EYS: variants seen among roughly 807,000 people sequenced by gnomAD.
EYS encodes the protein EGF-like photoreceptor maintenance factor, also known as protein eyes shut homolog.
Under a neutral mutation model 282.1 loss-of-function variants are expected in EYS, and 250 were observed. That is an observed-to-expected ratio of 0.89 (90% CI 0.80 to 0.98). The LOEUF (loss-of-function observed/expected upper bound fraction) is 0.98, where lower values mean the gene tolerates loss of function less well. Ranked by LOEUF, EYS falls within the 50% of genes least tolerant of loss-of-function variation. EYS has a pLI of 0.00. For missense variants in EYS, 4,016 were observed against 3,709.0 expected (o/e 1.08, Z -2.15); for synonymous variants, 1,355 against 1,282.9 (o/e 1.06, Z -1.20).
At chr6:64,569,955 C>A (rs766361133) in intron 26 of EYS, among the ~76,000 whole-genome samples, 3 of 152,104 alleles carry the variant, frequency 2.0e-5, no homozygotes, top group African/African-American at 7.2e-5. Context: ...CACAAAGATA[C>A]TCCTTGAGAA....
At chr6:64,217,879 C>T (rs1489812413) in intron 31 of EYS, among the ~76,000 whole-genome samples, 2 of 152,146 alleles carry the variant, frequency 1.3e-5, no homozygotes, top group African/African-American at 4.8e-5. Context: ...ACCCCCACCA[C>T]AAACCAAGTG....
chr6:65,438,128 T>C (rs1768153194), intron 5 of EYS, among the ~76,000 whole-genome samples: 1 of 151,722 alleles, frequency 6.6e-6, no homozygotes, highest in Admixed American at 6.6e-5. Flanking sequence ...GTCTTTGCAA[T>C]AGTTTGCTGA....
chr6:63,885,873 T>G (rs1223960050), intron 35 of EYS, among the ~76,000 whole-genome samples: 1 of 152,224 alleles, frequency 6.6e-6, no homozygotes, highest in Non-Finnish European at 1.5e-5. Flanking sequence ...TTGGCTAGAC[T>G]TGTACTCTTT....
intron 29 of EYS, among the ~76,000 whole-genome samples, chr6:64,340,346 T>C (rs1376318339): frequency 1.3e-5 from 2 of 151,456 alleles, no homozygotes; most frequent in Non-Finnish European, 3.0e-5. Context: ...GTAAACAAAA[T>C]AGCATGACAC....
intron 31 of EYS, among the ~76,000 whole-genome samples, chr6:64,194,903 C>T (rs1209577133): frequency 1.3e-5 from 2 of 152,074 alleles, no homozygotes; most frequent in Non-Finnish European, 2.9e-5. Context: ...GGAAGTTGTA[C>T]ACTGGATTAC....
intron 5 of EYS, among the ~76,000 whole-genome samples, chr6:65,485,219 T>C (rs1427225756): frequency 6.6e-6 from 1 of 152,228 alleles, no homozygotes; most frequent in Non-Finnish European, 1.5e-5. Flanking sequence ...GTGACATTAC[T>C]GACTGTATAC....
chr6:64,687,505 T>C (rs1469636526), intron 22 of EYS, among the ~76,000 whole-genome samples: 1 of 152,168 alleles, frequency 6.6e-6, no homozygotes, highest in Admixed American at 6.5e-5. Context: ...TGGTTCTATT[T>C]ATATGATGGA....
chr6:65,018,293 CTGTAAGAGAGAA>C (rs566921445), intron 13 of EYS, among the ~76,000 whole-genome samples: 419 of 152,248 alleles, frequency 2.8e-3, no homozygotes, highest in Non-Finnish European at 5.2e-3. Flanking sequence ...CTTCTGAGGG[CTGTAAGAGAGAA>C]TGTGTTCCAT....
At chr6:63,977,898 C>T (rs1379566104) in intron 35 of EYS, among the ~76,000 whole-genome samples, 1 of 151,970 alleles carries the variant, frequency 6.6e-6, no homozygotes, top group Non-Finnish European at 1.5e-5. Context: ...ACATTCCTTC[C>T]CCACTCTAAA....
chr6:65,466,901 G>A (rs1397955531), intron 5 of EYS, among the ~76,000 whole-genome samples: 2 of 152,170 alleles, frequency 1.3e-5, no homozygotes, highest in Non-Finnish European at 2.9e-5. Flanking sequence ...GAGCTCTTAA[G>A]GGCAGTAGCA....
chr6:65,207,234 G>A (rs900763335), intron 12 of EYS, among the ~76,000 whole-genome samples: 4 of 151,158 alleles, frequency 2.6e-5, no homozygotes, highest in Non-Finnish European at 4.4e-5. Flanking sequence ...AATGACATTC[G>A]AGCTGAGAAC....
At chr6:65,100,662 G>C (rs146084668) in intron 12 of EYS, among the ~76,000 whole-genome samples, 67 of 150,792 alleles carry the variant, frequency 4.4e-4, no homozygotes, top group Admixed American at 1.3e-3. Context: ...AAAGGAACCT[G>C]TTGTCAAATG....
chr6:65,563,479 A>G (rs889114447), intron 2 of EYS, among the ~76,000 whole-genome samples: 3 of 152,060 alleles, frequency 2.0e-5, no homozygotes, highest in Non-Finnish European at 4.4e-5. Context: ...GTTATAGAAA[A>G]CCATTCAATT....
intron 35 of EYS, among the ~76,000 whole-genome samples, chr6:63,895,379 A>C (rs1773511304): frequency 1.3e-5 from 2 of 152,226 alleles, no homozygotes; most frequent in Non-Finnish European, 2.9e-5. Flanking sequence ...GAGACATAAA[A>C]ATCATTTAAC....
intron 26 of EYS, among the ~76,000 whole-genome samples, chr6:64,448,014 A>C (rs962921483): frequency 3.3e-5 from 5 of 152,240 alleles, no homozygotes; most frequent in African/African-American, 1.2e-4. Context: ...TGGGTGCAGG[A>C]CAGTGGGTGC....
rs149377794 is a variant in EYS, at chr6:63,969,192, C to T, written c.7055+15191G>A. Among the ~76,000 whole-genome samples, 7 of 152,244 alleles carry T rather than the reference C, an allele frequency of 4.6e-5. No individual in the cohort carries two copies. The East Asian group carries it at 1.4e-3, about 29-fold the overall frequency. ...TATAAGGTTTGTGATTTATTATTTG[C>T]ATTATTTTTATGCCTTGCAAAATGA... On this transcript the variant is annotated intron_variant, in intron 35 of 42. Coordinates refer to ENST00000503581, the MANE Select transcript of EYS (RefSeq NM_001142800.2).
chr6:64,987,005 A>C (rs1355208637), intron 14 of EYS, among the ~76,000 whole-genome samples: 4 of 151,464 alleles, frequency 2.6e-5, no homozygotes, highest in African/African-American at 9.7e-5. Flanking sequence ...GCAGTAATTG[A>C]TACTGTTTGG....
chr6:64,166,537 T>C (rs1032167907), intron 31 of EYS, among the ~76,000 whole-genome samples: 1 of 152,156 alleles, frequency 6.6e-6, no homozygotes, highest in African/African-American at 2.4e-5. Context: ...ACAAGAAGGA[T>C]GTAGCTGGGG....
At chr6:64,488,330 T>C (rs1270824743) in intron 26 of EYS, among the ~76,000 whole-genome samples, 1 of 150,938 alleles carries the variant, frequency 6.6e-6, no homozygotes, top group African/African-American at 2.4e-5. Context: ...ACTCCAGATA[T>C]AACAATCATA....
Sources: allele counts gnomAD v4.1 joint callset (sites outside exome capture counted in the v4.1 genomes callset), GRCh38; gene constraint gnomAD v4.1.1; transcripts MANE v1.5; gene names NCBI Gene and HGNC (gene_info 2026-07-23, HGNC 2026-07-21).